Variants in MAP3K2 observed in about 807,000 individuals in gnomAD.
MAP3K2 encodes MAP/ERK kinase kinase 2.
MAP3K2 carries 24 observed loss-of-function variants against 80.3 expected under a neutral mutation model. The ratio of observed to expected loss-of-function variants is 0.30; its 90% CI spans 0.22 to 0.42. The LOEUF is 0.42. MAP3K2 is among the 10% of genes least tolerant of loss of function. MAP3K2 has a pLI of 1.00. For synonymous variants in MAP3K2, 244 were observed against 253.7 expected, an observed-to-expected ratio of 0.96 and a Z score of 0.36; for missense variants, 608 against 750.1, an observed-to-expected ratio of 0.81 and a Z score of 2.21.
chr2:127,356,924 C>G (rs1686807666), intron 1 of MAP3K2, among the ~76,000 whole-genome samples: 1 of 152,142 alleles, frequency 6.6e-6, no homozygotes. Context: ...AAATAATCAA[C>G]AGAGTAAACA....
intron 7 of MAP3K2, among the ~76,000 whole-genome samples, chr2:127,327,645 C>A (rs1480275871): frequency 6.6e-6 from 1 of 151,862 alleles, no homozygotes; most frequent in South Asian, 2.1e-4. Flanking sequence ...CCAACGCACT[C>A]TTGGTTGAGA....
In MAP3K2 at chr2:127,366,898, G is replaced by C. The variant is rs193027508; in HGVS notation, c.-66+20554C>G. 1.6e-3 allele frequency among the ~76,000 whole-genome samples: 186 copies of C among 114,686 alleles called. 1 individual carries two copies. Among genetic ancestry groups the C allele is most frequent in the African/African-American group, 5.7e-3 (175 of 30,852 alleles). 75.2% of individuals were successfully genotyped at this position (114,686 alleles called of 152,430 possible). On this transcript the variant is annotated intron_variant, in intron 1 of 16. Coordinates refer to ENST00000682094, the MANE Select transcript of MAP3K2 (RefSeq NM_001371910.2). ...TTTTTTTTTTTTTTTTTGAGACAGA[G>C]TCTCGCTTTGTCACCAGGCTGGAGT... is the stretch of plus-strand genomic sequence containing the variant.
At chr2:127,354,907 A>AT (rs1558985880) in intron 1 of MAP3K2, among the ~76,000 whole-genome samples, 1 of 152,112 alleles carries the variant, frequency 6.6e-6, no homozygotes, top group Non-Finnish European at 1.5e-5. Context: ...ATTTTTACAG[A>AT]TAAAAAATAC....
intron 14 of MAP3K2, among the ~76,000 whole-genome samples, chr2:127,315,430 A>C (rs1685882118): frequency 1.3e-5 from 2 of 152,242 alleles, no homozygotes; most frequent in South Asian, 4.1e-4. Context: ...GTACTCTGTC[A>C]TATGAAAGTA....
rs1457416288 is a variant in MAP3K2 at position 127,339,412 on chromosome 2, AT to A, written c.5-363del. ...TGTTTTAAAAAGTAGGGAAAAAAAAATAAACAACTTTGTATAAATCTCATTA... is the reference window on the plus strand; with the variant it reads ...TGTTTTAAAAAGTAGGGAAAAAAAAAAAACAACTTTGTATAAATCTCATTA... On this transcript the variant is annotated intron_variant, in intron 2 of 16. Transcript: ENST00000682094. This position sits in a 1 kb window ranked among gnomAD's most constrained non-coding sequence, Gnocchi z 4.2. Among the ~76,000 whole-genome samples, 7 of 152,320 alleles carry A rather than the reference AT, an allele frequency of 4.6e-5. No homozygotes were observed. Among genetic ancestry groups the A allele is most frequent in the African/African-American group, 1.2e-4 (5 of 41,576 alleles).
At position 127,299,652 on chromosome 2, in the gene MAP3K2, CAA is replaced by C. The variant is rs948848897; in HGVS notation, c.*7925_*7926del. On this transcript the variant is annotated 3_prime_UTR_variant, in exon 17 of 17. Coordinates refer to ENST00000682094, the MANE Select transcript of MAP3K2 (RefSeq NM_001371910.2). ...CTTAATTTGCATTTCACGGAATTCT[CAA>C]AGAGAATTTAATGCTTTTTCTTGCA... 2.6e-5 allele frequency: 4 copies of C among 152,068 alleles called. No individual in the cohort carries two copies. The highest frequency in any genetic ancestry group is 2.9e-5 in the Non-Finnish European group (2 of 67,968). The allele number at this position is 152,068 out of a possible 1,614,324, so 9.4% of individuals were successfully genotyped here.
chr2:127,366,112 C>A (rs1430070849), intron 1 of MAP3K2, among the ~76,000 whole-genome samples: 1 of 152,122 alleles, frequency 6.6e-6, no homozygotes, highest in Non-Finnish European at 1.5e-5. Context: ...AACAAGTAAC[C>A]CTCATTCCAA....
chr2:127,339,084 T>C lies in MAP3K2; in HGVS notation c.5-34A>G. On this transcript the variant is annotated intron_variant, in intron 2 of 16. Coordinates refer to ENST00000682094, the MANE Select transcript of MAP3K2 (RefSeq NM_001371910.2). This position sits in a 1 kb window ranked among gnomAD's most constrained non-coding sequence, Gnocchi z 4.2. Reference sequence around the variant, plus strand: ...TTTTGAAACAACACATACATAGAATTGTAATTGTGACATATATATCAACAT... The same window carrying C: ...TTTTGAAACAACACATACATAGAATCGTAATTGTGACATATATATCAACAT... 7.8e-7 allele frequency: 1 copy of C among 1,288,898 alleles called. No homozygotes were observed. Among genetic ancestry groups the C allele is most frequent in the Non-Finnish European group, 1.1e-6 (1 of 902,240 alleles). 79.8% of individuals were successfully genotyped at this position (1,288,898 alleles called of 1,614,324 possible).
chr2:127,337,866 G>GT, intron 3 of MAP3K2, 88 bp from the exon 4 acceptor site: 1 of 815,484 alleles, frequency 1.2e-6, no homozygotes, highest in African/African-American at 1.8e-5. Flanking sequence ...AAATGATTTT[G>GT]TTTTTTAGCC....
chr2:127,351,043 C>T (rs919391077), intron 1 of MAP3K2, among the ~76,000 whole-genome samples: 2 of 152,164 alleles, frequency 1.3e-5, no homozygotes, highest in African/African-American at 2.4e-5. Context: ...GAATTAACTG[C>T]TCTGTAAACC....
Position 127,307,870 on chromosome 2 carries a change from A to G in MAP3K2, c.1635-66T>C. ...CATGAAAGAAAGCTAGTTAGCTAGA[A>G]AATGAGAAACAGGCATTAAGTCCAT... On this transcript the variant is annotated intron_variant, in intron 16 of 16. Transcript: ENST00000682094. The surrounding 1 kb of genome is among the most constrained non-coding windows in gnomAD (Gnocchi z 5.4). 1 of 1,113,574 alleles carries G rather than the reference A, an allele frequency of 9.0e-7. No individual in the cohort carries two copies. The highest frequency in any genetic ancestry group is 1.3e-6 in the Non-Finnish European group (1 of 772,858). 69.0% of individuals were successfully genotyped at this position (1,113,574 alleles called of 1,614,324 possible).
intron 12 of MAP3K2, among the ~76,000 whole-genome samples, chr2:127,319,916 T>C (rs1039742718): frequency 6.7e-6 from 1 of 149,938 alleles, no homozygotes; most frequent in Non-Finnish European, 1.5e-5. Context: ...ACAAGGTAAT[T>C]AGAAGAATTT....
rs185791938 is a variant in MAP3K2, at chr2:127,351,202, T to C, written c.-65-8008A>G. 5.5e-4 allele frequency among the ~76,000 whole-genome samples: 84 copies of C among 152,236 alleles called. 1 individual carries two copies. The highest frequency in any genetic ancestry group is 1.6e-3 in the African/African-American group (66 of 41,494). Reference sequence around the variant, plus strand: ...GCATTATTGGGACTACTGGCAAAACTTGAATGGGTTCTGTGGATTAGATGA... The same window carrying C: ...GCATTATTGGGACTACTGGCAAAACCTGAATGGGTTCTGTGGATTAGATGA... On this transcript the variant is annotated intron_variant, in intron 1 of 16. Transcript: ENST00000682094.
intron 1 of MAP3K2, among the ~76,000 whole-genome samples, chr2:127,362,484 A>G (rs966023679): frequency 6.6e-6 from 1 of 152,208 alleles, no homozygotes; most frequent in Non-Finnish European, 1.5e-5. Context: ...TTTGTTTTAA[A>G]TGTTTACAAA....
intron 12 of MAP3K2, among the ~76,000 whole-genome samples, chr2:127,319,383 A>G (rs953594353): frequency 6.6e-6 from 1 of 152,122 alleles, no homozygotes. Context: ...CTAAGACTGA[A>G]GCTGGATAGG....
chr2:127,335,759 CCATAT>C, intron 5 of MAP3K2, 106 bp downstream of exon 5: 1 of 571,932 alleles, frequency 1.7e-6, no homozygotes, highest in Non-Finnish European at 3.1e-6. Context: ...TTCTGACATA[CCATAT>C]ATTTATCAAT....
chr2:127,355,778 C>G (rs542692041), intron 1 of MAP3K2, among the ~76,000 whole-genome samples: 2 of 152,182 alleles, frequency 1.3e-5, no homozygotes, highest in East Asian at 1.9e-4. Context: ...CTCTAGCATT[C>G]GATGCTGTTT....
rs372895759 is a variant in MAP3K2 at position 127,307,698 on chromosome 2, T to C, written c.1741A>G (p.Lys581Glu). The C allele has an allele frequency of 9.4e-6, 15 of 1,597,080 alleles. No homozygotes were observed. In the African/African-American group the frequency reaches 1.7e-4, roughly 19 times the overall value. Residue 581 changes from lysine to glutamate, a missense_variant, in exon 17 of 17, where the codon AAG becomes GAG. By Grantham distance (56) the Lys-to-Glu change is moderately conservative (BLOSUM62 1). Transcript: ENST00000682094. This position sits in a 1 kb window ranked among gnomAD's most constrained non-coding sequence, Gnocchi z 5.4. ...FKIATQPTNPKLPPHVSDYTR... is the reference protein window; with the variant it reads ...FKIATQPTNPELPPHVSDYTR... ...TAGTCTGAGACATGAGGTGGCAGCT[T>C]TGGGTTTGTTGGCTGAGTGGCGATT...
intron 1 of MAP3K2, among the ~76,000 whole-genome samples, chr2:127,350,014 GC>G (rs1449485192): frequency 6.6e-6 from 1 of 151,914 alleles, no homozygotes; most frequent in Non-Finnish European, 1.5e-5. Context: ...TTGCTACCAC[GC>G]CCAGCTAATT....
Sources: gnomAD v4.1 joint callset for allele counts (sites outside exome capture counted in the v4.1 genomes callset) on GRCh38, gnomAD v4.1.1 for gene constraint, Gnocchi (gnomAD v3.1) non-coding constraint, MANE v1.5 for transcripts, NCBI Gene and HGNC (gene_info 2026-07-23, HGNC 2026-07-21) for gene names.